The following GPALPP1 variants were observed in gnomAD, a reference collection of about 807,000 sequenced individuals.
The protein encoded by GPALPP1 is GPALPP motifs containing 1, also known as GPALPP motifs-containing protein 1.
GPALPP1 carries 30 observed loss-of-function variants against 38.9 expected under a neutral mutation model. The observed-to-expected ratio is 0.77, with a 90% confidence interval of 0.58 to 1.05. The LOEUF is 1.05. Ranked by LOEUF, GPALPP1 falls within the 50% of genes least tolerant of loss-of-function variation. The probability of loss-of-function intolerance (pLI) is 0.00; values close to 1 mark genes in which losing one functional copy is unlikely to be tolerated. For synonymous variants in GPALPP1, 120 were observed against 139.2 expected (o/e 0.86, Z 0.97); for missense variants, 384 against 408.8 (o/e 0.94, Z 0.52).
chr13:45,024,946 C>G (rs907947181), intron 7 of GPALPP1, among the ~76,000 whole-genome samples: 1 of 152,130 alleles, frequency 6.6e-6, no homozygotes, highest in African/African-American at 2.4e-5. Context: ...TTAATTTACT[C>G]TTTTAGTGAA....
At chr13:45,031,968 T>C (rs1234060571), downstream of GPALPP1, 1 of 152,238 alleles carries the variant, frequency 6.6e-6, no homozygotes, top group Non-Finnish European at 1.5e-5. Context: ...GTTAATATAA[T>C]GGAGCAGATA....
At chr13:44,994,077 T>C (rs889800213) in intron 1 of GPALPP1, among the ~76,000 whole-genome samples, 6 of 150,988 alleles carry the variant, frequency 4.0e-5, no homozygotes, top group Admixed American at 2.6e-4. Flanking sequence ...CTACAAAAAA[T>C]ACAGGTAGTG....
At chr13:45,024,154 T>TGTGTGTGTGTGTGTGCGTGC in intron 7 of GPALPP1, among the ~76,000 whole-genome samples, 1 of 4,318 alleles carries the variant, frequency 2.3e-4, no homozygotes, top group South Asian at 7.5e-3. Flanking sequence ...ACTCTGTGTG[T>TGTGTGTGTGTGTGTGCGTGC]GTGTGTGTGT....
downstream of GPALPP1, chr13:45,031,461 T>G (rs534040879): frequency 2.2e-4 from 33 of 152,328 alleles, no homozygotes; most frequent in Non-Finnish European, 4.0e-4. Flanking sequence ...GATACTTACT[T>G]TTCTTTGTTT....
chr13:45,020,379 T>C lies in GPALPP1; in HGVS notation c.755T>C (p.Ile252Thr). Residue 252 changes from isoleucine (I) to threonine (T), a missense_variant, in exon 7 of 8, where the codon ATA (isoleucine) becomes ACA (threonine). Coordinates refer to ENST00000379151, the MANE Select transcript of GPALPP1 (RefSeq NM_018559.5). The part of the protein sequence containing the change: ...KSSSKKDEEH[I>T]LSGRDKRLAE... ...TCCAGTAAGAAAGATGAAGAACATA[T>C]ATTATCAGGAAGAGATAAGAGACTG... 2.6e-6 allele frequency: 4 copies of C among 1,551,532 alleles called. No individual in the cohort carries two copies. The highest frequency in any genetic ancestry group is 1.1e-5 in the South Asian group (1 of 89,606).
At chr13:44,993,694 A>G (rs1335756424) in intron 1 of GPALPP1, among the ~76,000 whole-genome samples, 1 of 151,992 alleles carries the variant, frequency 6.6e-6, no homozygotes, top group African/African-American at 2.4e-5. Flanking sequence ...AAAAAAAAAA[A>G]AAATTTGAGG....
intron 1 of GPALPP1, among the ~76,000 whole-genome samples, chr13:44,995,465 T>C (rs1468519312): frequency 1.3e-5 from 2 of 151,942 alleles, no homozygotes; most frequent in African/African-American, 4.8e-5. Context: ...CCAGTGAGAG[T>C]TCCTATCAGA....
At chr13:44,993,912 T>C (rs1392300859) in intron 1 of GPALPP1, among the ~76,000 whole-genome samples, 3 of 151,894 alleles carry the variant, frequency 2.0e-5, no homozygotes, top group African/African-American at 7.3e-5. Flanking sequence ...TGAGCACCTT[T>C]TCATATGCTT....
chr13:45,034,288 G>A (rs146094601), downstream of GPALPP1: 18 of 152,304 alleles, frequency 1.2e-4, no homozygotes, highest in African/African-American at 3.6e-4. Flanking sequence ...CAGATTCCTT[G>A]ATTTGTGATT....
downstream of GPALPP1, chr13:45,030,896 C>G (rs1876164836): frequency 6.6e-6 from 1 of 152,146 alleles, no homozygotes; most frequent in Admixed American, 6.5e-5. Flanking sequence ...TGGCTCATAC[C>G]TATAATCCCA....
Position 45,004,341 on chromosome 13 carries a change from G to A in GPALPP1, c.125G>A (p.Ser42Asn), listed in dbSNP as rs780901562. The A allele has an allele frequency of 6.2e-7, 1 of 1,611,082 alleles. No individual in the cohort carries two copies. The highest frequency in any genetic ancestry group is 8.5e-7 in the Non-Finnish European group (1 of 1,177,342). The part of the protein sequence containing the change: ...GPALPPNYKS[S>N]SSDSSDSDED... ...GCTCTGCCCCCTAATTATAAAAGCA[G>A]TAGTTCAGATTCATCAGACAGCGAT... The change falls in exon 2 of 8, where the codon AGT becomes AAT. Residue 42 changes from serine (S) to asparagine (N), a missense_variant. Ser to Asn is a conservative substitution (Grantham distance 46). Transcript: ENST00000379151.
Position 44,989,654 on chromosome 13 carries a change from G to A in GPALPP1, c.-1G>A. On this transcript the variant is annotated 5_prime_UTR_variant, in exon 1 of 8. Coordinates refer to ENST00000379151, the MANE Select transcript of GPALPP1 (RefSeq NM_018559.5). ...TCTGTGACCAGTGTCCGCCACCGCGGATGGCAAGAGACCTGATCGGACCGG... is the reference window on the plus strand; with the variant it reads ...TCTGTGACCAGTGTCCGCCACCGCGAATGGCAAGAGACCTGATCGGACCGG... The A allele has an allele frequency of 6.2e-7, 1 of 1,612,168 alleles. No homozygotes were observed. Among genetic ancestry groups the A allele is most frequent in the Non-Finnish European group, 8.5e-7 (1 of 1,179,080 alleles).
At chr13:45,033,245 T>A (rs987262707), downstream of GPALPP1, 1 of 152,174 alleles carries the variant, frequency 6.6e-6, no homozygotes, top group African/African-American at 2.4e-5. Context: ...GTGATAGGTA[T>A]TATTAGAAAA....
intron 1 of GPALPP1, chr13:44,990,356 G>A (rs986461187): frequency 1.8e-5 from 3 of 164,956 alleles, no homozygotes; most frequent in Non-Finnish European, 3.9e-5. Context: ...AAACATAACT[G>A]ACAAACTTCT....
chr13:45,010,453 A>G (rs1438346042), intron 4 of GPALPP1, among the ~76,000 whole-genome samples: 2 of 152,190 alleles, frequency 1.3e-5, no homozygotes, highest in Non-Finnish European at 1.5e-5. Flanking sequence ...TCTTTCCGCT[A>G]GAATGTGGCT....
chr13:45,025,455 T>C (rs562641112), intron 7 of GPALPP1, among the ~76,000 whole-genome samples: 1 of 152,332 alleles, frequency 6.6e-6, no homozygotes, highest in East Asian at 1.9e-4. Flanking sequence ...AATAACAACA[T>C]TTAATTTACA....
At chr13:45,008,759 T>C (rs1230230199) in intron 3 of GPALPP1, 36 bp from the exon 4 acceptor site, 2 of 1,082,522 alleles carry the variant, frequency 1.8e-6, no homozygotes, top group African/African-American at 1.6e-5. Context: ...CTTTTTAAAG[T>C]CAGGGAGAAT....
At chr13:45,023,906 T>C (rs1055359125) in intron 7 of GPALPP1, among the ~76,000 whole-genome samples, 1 of 152,178 alleles carries the variant, frequency 6.6e-6, no homozygotes, top group Non-Finnish European at 1.5e-5. Context: ...CTCCTTTGTA[T>C]TGGCATCCTG....
chr13:45,033,472 A>G (rs1417595914), downstream of GPALPP1: 1 of 152,244 alleles, frequency 6.6e-6, no homozygotes, highest in Non-Finnish European at 1.5e-5. Context: ...TTGTGACTGC[A>G]GTATGTACAC....
Sources: gnomAD v4.1 joint callset for allele counts (sites outside exome capture counted in the v4.1 genomes callset) on GRCh38, gnomAD v4.1.1 for gene constraint, MANE v1.5 for transcripts, NCBI Gene and HGNC (gene_info 2026-07-23, HGNC 2026-07-21) for gene names.